The following GABBR2 variants were observed in gnomAD, a reference collection of about 807,000 sequenced individuals.
GABBR2 encodes the protein G-protein coupled receptor 51.
A neutral mutation model predicts 105.6 loss-of-function variants in GABBR2; 23 were observed. That is an observed-to-expected ratio of 0.22 (90% CI 0.16 to 0.31). The LOEUF is 0.31. Ranked by LOEUF, GABBR2 falls within the 10% of genes least tolerant of loss-of-function variation. The pLI is 1.00. For synonymous variants in GABBR2, 478 were observed against 499.7 expected (o/e 0.96, Z 0.58); for missense variants, 734 against 1,245.5 (o/e 0.59, Z 6.18).
intron 1 of GABBR2, among the ~76,000 whole-genome samples, chr9:98,601,271 C>T (rs1341644416): frequency 6.6e-6 from 1 of 152,206 alleles, no homozygotes; most frequent in Non-Finnish European, 1.5e-5. Context: ...AATCCCAACA[C>T]TTCGGGAGGC....
chr9:98,412,443 G>T (rs750791716), intron 7 of GABBR2, among the ~76,000 whole-genome samples: 3 of 152,230 alleles, frequency 2.0e-5, no homozygotes, highest in Non-Finnish European at 4.4e-5. Context: ...GACTTGTGCT[G>T]TGAGAAATAA....
intron 1 of GABBR2, among the ~76,000 whole-genome samples, chr9:98,633,811 C>T (rs1829845016): frequency 6.6e-6 from 1 of 152,006 alleles, no homozygotes; most frequent in Non-Finnish European, 1.5e-5. Context: ...GATGGAGAGT[C>T]CCCAAGTTAA....
chr9:98,501,352 A>C (rs990716960), intron 3 of GABBR2, among the ~76,000 whole-genome samples: 1 of 152,094 alleles, frequency 6.6e-6, no homozygotes, highest in Non-Finnish European at 1.5e-5. Flanking sequence ...TTTAGTAGAG[A>C]CGGGGTTTCG....
At chr9:98,432,740 G>A (rs1825835528) in intron 7 of GABBR2, among the ~76,000 whole-genome samples, 1 of 152,040 alleles carries the variant, frequency 6.6e-6, no homozygotes, top group Admixed American at 6.5e-5. Context: ...GCACTCTGAG[G>A]GTCTCTTTGA....
intron 11 of GABBR2, among the ~76,000 whole-genome samples, chr9:98,373,109 G>A (rs954619786): frequency 2.2e-4 from 34 of 151,994 alleles, no homozygotes; most frequent in African/African-American, 7.7e-4. Flanking sequence ...AAACAGGGAG[G>A]GGGAAAGAGC....
chr9:98,405,740 TATACTC>T (rs1214671817), intron 8 of GABBR2, among the ~76,000 whole-genome samples: 2 of 152,220 alleles, frequency 1.3e-5, no homozygotes, highest in Admixed American at 6.5e-5. Context: ...AAATAGTTGT[TATACTC>T]TATTGTTTAG....
intron 1 of GABBR2, among the ~76,000 whole-genome samples, chr9:98,602,062 G>GTGA (rs1435170193): frequency 6.6e-6 from 1 of 152,110 alleles, no homozygotes; most frequent in East Asian, 1.9e-4. Context: ...GTGCAGTGGT[G>GTGA]TGATGACAGC....
intron 13 of GABBR2, among the ~76,000 whole-genome samples, chr9:98,357,349 A>T (rs1274718273): frequency 2.0e-5 from 3 of 152,102 alleles, no homozygotes; most frequent in Non-Finnish European, 4.4e-5. Context: ...AATAAAATTT[A>T]AAAAATTAAA....
In GABBR2 at chr9:98,551,259, C is replaced by T. The variant is rs561452623; in HGVS notation, c.460-9216G>A. Among the ~76,000 whole-genome samples, 5 of 152,148 alleles carry T rather than the reference C, an allele frequency of 3.3e-5. No individual in the cohort carries two copies. In the South Asian group the frequency reaches 6.2e-4, roughly 19 times the overall value. ...CTCTACTAAAAATACAAAAATTAGC[C>T]GGGCGTGGTGGTGGGCACCTGTAAT... On this transcript the variant is annotated intron_variant, in intron 2 of 18. Coordinates refer to ENST00000259455, the MANE Select transcript of GABBR2 (RefSeq NM_005458.8).
intron 11 of GABBR2, among the ~76,000 whole-genome samples, chr9:98,372,487 G>C (rs1179405222): frequency 6.6e-6 from 1 of 152,230 alleles, no homozygotes; most frequent in East Asian, 1.9e-4. Flanking sequence ...GCTCTGTTGA[G>C]CTTAGTTTCC....
At position 98,306,420 on chromosome 9, in the gene GABBR2, T is replaced by C; in HGVS notation, c.2005-75A>G. 1.2e-6 allele frequency: 1 copy of C among 839,562 alleles called. No homozygotes were observed. Among genetic ancestry groups the C allele is most frequent in the Non-Finnish European group, 1.9e-6 (1 of 527,654 alleles). 52.0% of individuals were successfully genotyped at this position (839,562 alleles called of 1,614,324 possible). ...ACACACAGGCTGCTCTGAGAAGCTGTGGAGTGGAGGGTTACTCAGGAGGTG... is the reference window on the plus strand; with the variant it reads ...ACACACAGGCTGCTCTGAGAAGCTGCGGAGTGGAGGGTTACTCAGGAGGTG... On this transcript the variant is annotated intron_variant, in intron 14 of 18. Coordinates refer to ENST00000259455, the MANE Select transcript of GABBR2 (RefSeq NM_005458.8). This position sits in a 1 kb window ranked among gnomAD's most constrained non-coding sequence, Gnocchi z 5.4.
At chr9:98,436,653 A>G (rs1825932920) in intron 7 of GABBR2, among the ~76,000 whole-genome samples, 1 of 151,264 alleles carries the variant, frequency 6.6e-6, no homozygotes, top group East Asian at 2.0e-4. Flanking sequence ...CTATTACACC[A>G]AGCTGCCTCC....
chr9:98,430,617 G>A (rs148206032), intron 7 of GABBR2, among the ~76,000 whole-genome samples: 213 of 152,222 alleles, frequency 1.4e-3, no homozygotes, highest in African/African-American at 5.0e-3. Context: ...GCTTTCCTCT[G>A]TACATGTGCC....
chr9:98,581,726 A>C (rs1405514307), intron 1 of GABBR2, among the ~76,000 whole-genome samples: 2 of 152,174 alleles, frequency 1.3e-5, no homozygotes, highest in Non-Finnish European at 2.9e-5. Flanking sequence ...TATAGTTTTA[A>C]TACATTTCTG....
chr9:98,566,167 A>C (rs1420404485), intron 2 of GABBR2, among the ~76,000 whole-genome samples: 1 of 152,082 alleles, frequency 6.6e-6, no homozygotes, highest in Non-Finnish European at 1.5e-5. Context: ...TGGTTTGAAT[A>C]CTCACAGTCC....
At chr9:98,365,278 T>C (rs148162106) in intron 12 of GABBR2, among the ~76,000 whole-genome samples, 1 of 152,340 alleles carries the variant, frequency 6.6e-6, no homozygotes, top group East Asian at 1.9e-4. Context: ...ATGGAAAGCA[T>C]TTAGTACAGT....
chr9:98,379,270 C>CT (rs2131475956), intron 11 of GABBR2, among the ~76,000 whole-genome samples: 1 of 152,198 alleles, frequency 6.6e-6, no homozygotes, highest in Non-Finnish European at 1.5e-5. Flanking sequence ...CCAGCCTCTT[C>CT]TTTTTTATCT....
At chr9:98,543,292 T>C (rs1588220716) in intron 2 of GABBR2, among the ~76,000 whole-genome samples, 1 of 152,072 alleles carries the variant, frequency 6.6e-6, no homozygotes, top group East Asian at 1.9e-4. Flanking sequence ...CTGGTTATAG[T>C]TCTAATTTGC....
At chr9:98,396,538 C>G (rs966250913) in intron 8 of GABBR2, among the ~76,000 whole-genome samples, 4 of 152,208 alleles carry the variant, frequency 2.6e-5, no homozygotes, top group African/African-American at 9.6e-5. Flanking sequence ...GGGGGCATCA[C>G]ACTGCGCAAG....
Sources: allele counts gnomAD v4.1 joint callset (sites outside exome capture counted in the v4.1 genomes callset), GRCh38; gene constraint gnomAD v4.1.1; non-coding constraint Gnocchi (gnomAD v3.1); transcripts MANE v1.5; gene names NCBI Gene and HGNC (gene_info 2026-07-23, HGNC 2026-07-21).